NELL1: variants seen among roughly 807,000 people sequenced by gnomAD.
NELL1 encodes the protein neural EGFL like 1, also known as protein kinase C-binding protein NELL1.
In NELL1, 76 loss-of-function variants were observed where a neutral mutation model predicts 107.4. That is an observed-to-expected ratio of 0.71 (90% CI 0.59 to 0.86). NELL1 has a LOEUF of 0.86. NELL1 is among the 40% of genes least tolerant of loss of function. The probability of loss-of-function intolerance (pLI) is 0.00; values close to 1 mark genes in which losing one functional copy is unlikely to be tolerated. For missense variants in NELL1, 1,024 were observed against 1,005.5 expected, an observed-to-expected ratio of 1.02 and a Z score of -0.25; for synonymous variants, 353 against 341.2, an observed-to-expected ratio of 1.03 and a Z score of -0.38.
At chr11:21,061,167 G>A (rs1853732732) in intron 12 of NELL1, among the ~76,000 whole-genome samples, 1 of 152,170 alleles carries the variant, frequency 6.6e-6, no homozygotes, top group Non-Finnish European at 1.5e-5. Context: ...GGATACAACA[G>A]TAAACAAGAC....
At chr11:20,837,735 A>G (rs912320086) in intron 3 of NELL1, among the ~76,000 whole-genome samples, 4 of 152,200 alleles carry the variant, frequency 2.6e-5, no homozygotes. Flanking sequence ...AAGCTGGAAC[A>G]ATTTGAGCAA....
In NELL1 at chr11:21,074,454, G is replaced by T. The variant is rs146299767; in HGVS notation, c.1301-39135G>T. On this transcript the variant is annotated intron_variant, in intron 12 of 19. Coordinates refer to ENST00000357134, the MANE Select transcript of NELL1 (RefSeq NM_006157.5). ...GGGGCTGTGGTAGGCAGAGGTTGTA[G>T]AAACTGTATTATATATAATATAGAG... 9.5e-3 allele frequency among the ~76,000 whole-genome samples: 1,442 copies of T among 152,228 alleles called. 18 individuals carry two copies. Among genetic ancestry groups the T allele is most frequent in the African/African-American group, 0.033 (1,368 of 41,544 alleles).
rs144601621 is a variant in NELL1 at position 21,238,044 on chromosome 11, T to C, written c.1549+8590T>C. On this transcript the variant is annotated intron_variant, in intron 14 of 19. Coordinates refer to ENST00000357134, the MANE Select transcript of NELL1 (RefSeq NM_006157.5). Reference sequence around the variant, plus strand: ...AATGTCCACTTGGATCCCTTACAGGTATCTCAAACCTAGCACAACCAAACA... The same window carrying C: ...AATGTCCACTTGGATCCCTTACAGGCATCTCAAACCTAGCACAACCAAACA... Among the ~76,000 whole-genome samples, 322 of 152,182 alleles carry C rather than the reference T, an allele frequency of 2.1e-3. 1 individual carries two copies. Among genetic ancestry groups the C allele is most frequent in the Middle Eastern group, 0.01 (3 of 294 alleles).
At chr11:21,155,599 A>G (rs1856213820) in intron 13 of NELL1, among the ~76,000 whole-genome samples, 1 of 152,156 alleles carries the variant, frequency 6.6e-6, no homozygotes, top group African/African-American at 2.4e-5. Context: ...AGATCAAGTA[A>G]CAGTGTTGTA....
intron 3 of NELL1, among the ~76,000 whole-genome samples, chr11:20,794,505 T>C (rs1857133514): frequency 6.6e-6 from 1 of 152,228 alleles, no homozygotes; most frequent in Non-Finnish European, 1.5e-5. Flanking sequence ...GGTATTGCCC[T>C]GGGTGTGCTA....
chr11:21,198,765 A>G (rs1565106672), intron 13 of NELL1, among the ~76,000 whole-genome samples: 1 of 152,142 alleles, frequency 6.6e-6, no homozygotes, highest in African/African-American at 2.4e-5. Context: ...ATTTATTTTC[A>G]AAGTCTATCC....
chr11:21,014,275 C>T (rs1384772323), intron 12 of NELL1, among the ~76,000 whole-genome samples: 2 of 152,054 alleles, frequency 1.3e-5, no homozygotes, highest in Non-Finnish European at 2.9e-5. Flanking sequence ...AAGCCATGTG[C>T]CCTGCAGGTC....
At chr11:21,217,928 G>A (rs59067511) in intron 13 of NELL1, among the ~76,000 whole-genome samples, 10,345 of 152,186 alleles carry the variant, frequency 0.068, 444 homozygotes, top group Non-Finnish European at 0.1. Context: ...ATTTATTAGA[G>A]CCTTCCTGAG....
chr11:20,992,209 G>A (rs1392389242), intron 12 of NELL1, among the ~76,000 whole-genome samples: 3 of 152,174 alleles, frequency 2.0e-5, no homozygotes, highest in African/African-American at 4.8e-5. Flanking sequence ...CTCAATTACT[G>A]AATGCATACC....
At chr11:20,816,242 A>T (rs935529148) in intron 3 of NELL1, among the ~76,000 whole-genome samples, 1 of 152,160 alleles carries the variant, frequency 6.6e-6, no homozygotes. Flanking sequence ...GCTTTGGGCA[A>T]TGTGGCCATT....
At chr11:20,921,250 C>T (rs1411490144) in intron 7 of NELL1, among the ~76,000 whole-genome samples, 13 of 152,246 alleles carry the variant, frequency 8.5e-5, no homozygotes, top group Admixed American at 2.6e-4. Flanking sequence ...GTTTGTCAAC[C>T]ATTGATCTAA....
rs193194974 is a variant in NELL1 at position 21,509,158 on chromosome 11, A to G, written c.1646-25216A>G. Among the ~76,000 whole-genome samples the G allele has an allele frequency of 2.5e-4, 38 of 152,310 alleles. 1 individual carries two copies. The East Asian group carries it at 6.8e-3, about 27-fold the overall frequency. The stretch of plus-strand genomic sequence containing the variant: ...TAGTAATCAGGAATATCTGAATAAA[A>G]CTACATAGGGTTACTATCTCACACC... On this transcript the variant is annotated intron_variant, in intron 15 of 19. Coordinates refer to ENST00000357134, the MANE Select transcript of NELL1 (RefSeq NM_006157.5).
chr11:20,985,887 C>A (rs1001431663), intron 12 of NELL1, among the ~76,000 whole-genome samples: 1 of 152,144 alleles, frequency 6.6e-6, no homozygotes, highest in African/African-American at 2.4e-5. Flanking sequence ...TATGACATTT[C>A]CTGGGAAGAA....
At chr11:21,050,124 A>C (rs1853456788) in intron 12 of NELL1, among the ~76,000 whole-genome samples, 1 of 152,166 alleles carries the variant, frequency 6.6e-6, no homozygotes, top group Non-Finnish European at 1.5e-5. Context: ...TATAAGATAT[A>C]ATTATCTGCC....
At chr11:20,954,895 T>G (rs1447817964) in intron 11 of NELL1, among the ~76,000 whole-genome samples, 2 of 152,198 alleles carry the variant, frequency 1.3e-5, no homozygotes, top group Non-Finnish European at 1.5e-5. Context: ...TTTGAAGGGC[T>G]TTGTTCCAGG....
intron 13 of NELL1, among the ~76,000 whole-genome samples, chr11:21,161,883 G>A (rs73454555): frequency 0.086 from 12,928 of 150,300 alleles, 576 homozygotes; most frequent in African/African-American, 0.1. Flanking sequence ...GTGGCTAATG[G>A]CTGCCATATT....
chr11:20,889,227 A>T (rs893976697), intron 5 of NELL1, among the ~76,000 whole-genome samples: 2 of 152,246 alleles, frequency 1.3e-5, no homozygotes, highest in Non-Finnish European at 2.9e-5. Context: ...CACAGAGAAG[A>T]TCTTAAAAAT....
At chr11:21,105,491 T>G (rs1471889772) in intron 12 of NELL1, among the ~76,000 whole-genome samples, 1 of 152,106 alleles carries the variant, frequency 6.6e-6, no homozygotes, top group Non-Finnish European at 1.5e-5. Context: ...GCCTGCTCCC[T>G]ACTGTGAATG....
intron 15 of NELL1, among the ~76,000 whole-genome samples, chr11:21,447,546 A>G (rs992262956): frequency 6.6e-6 from 1 of 152,160 alleles, no homozygotes; most frequent in Non-Finnish European, 1.5e-5. Context: ...ACTCTGCCCA[A>G]TGCCCTATCC....
Sources: allele counts gnomAD v4.1 joint callset (sites outside exome capture counted in the v4.1 genomes callset), GRCh38; gene constraint gnomAD v4.1.1; transcripts MANE v1.5; gene names NCBI Gene and HGNC (gene_info 2026-07-23, HGNC 2026-07-21).